The following TGFBR2 variants were observed in gnomAD, a reference collection of about 807,000 sequenced individuals.
TGFBR2 encodes TGF-beta receptor type-2.
A neutral mutation model predicts 49.0 loss-of-function variants in TGFBR2; 18 were observed. The observed-to-expected ratio is 0.37, with a 90% CI of 0.25 to 0.54. TGFBR2 has a LOEUF of 0.54. TGFBR2 is among the 20% of genes least tolerant of loss of function. The pLI is 0.85. For synonymous variants in TGFBR2, 282 were observed against 275.9 expected, an observed-to-expected ratio of 1.02 and a Z score of -0.22; for missense variants, 525 against 722.6, an observed-to-expected ratio of 0.73 and a Z score of 3.13.
At chr3:30,621,609 T>C (rs1451590339) in intron 1 of TGFBR2, among the ~76,000 whole-genome samples, 1 of 152,210 alleles carries the variant, frequency 6.6e-6, no homozygotes, top group Non-Finnish European at 1.5e-5. Context: ...AGTCTTAATA[T>C]TCTGTGGCAC....
chr3:30,653,269 T>TTTTTTTTA (rs1559460091), intron 3 of TGFBR2, among the ~76,000 whole-genome samples: 1 of 136,050 alleles, frequency 7.4e-6, no homozygotes, highest in African/African-American at 2.8e-5. Flanking sequence ...TTTTTTTTTT[T>TTTTTTTTA]GAGACAGAGT....
At chr3:30,678,791 A>G (rs1019605124) in intron 5 of TGFBR2, among the ~76,000 whole-genome samples, 1 of 152,150 alleles carries the variant, frequency 6.6e-6, no homozygotes, top group African/African-American at 2.4e-5. Flanking sequence ...AAGCTATGGA[A>G]CATTAACCTC....
intron 1 of TGFBR2, among the ~76,000 whole-genome samples, chr3:30,627,449 T>C (rs909092654): frequency 2.0e-5 from 3 of 151,990 alleles, no homozygotes; most frequent in Non-Finnish European, 2.9e-5. Context: ...GGGCAATTGG[T>C]ACACATGTGT....
intron 1 of TGFBR2, among the ~76,000 whole-genome samples, chr3:30,631,687 T>C (rs1037190330): frequency 2.0e-5 from 3 of 151,634 alleles, no homozygotes; most frequent in African/African-American, 7.3e-5. Flanking sequence ...TTTCAAAGTG[T>C]TTGGTGTTAT....
chr3:30,609,736 A>G (rs180764136), intron 1 of TGFBR2, among the ~76,000 whole-genome samples: 2 of 152,166 alleles, frequency 1.3e-5, no homozygotes, highest in African/African-American at 4.8e-5. Flanking sequence ...TCTTCACATC[A>G]CTTTAATAAC....
At chr3:30,689,338 T>A (rs969791794) in intron 6 of TGFBR2, among the ~76,000 whole-genome samples, 1 of 152,102 alleles carries the variant, frequency 6.6e-6, no homozygotes, top group African/African-American at 2.4e-5. Flanking sequence ...GAGCCCTTAG[T>A]GAAGAATGAG....
At chr3:30,682,111 G>T (rs891324044) in intron 5 of TGFBR2, among the ~76,000 whole-genome samples, 2 of 152,182 alleles carry the variant, frequency 1.3e-5, no homozygotes, top group Non-Finnish European at 2.9e-5. Flanking sequence ...CCTTCTGCCT[G>T]TTCCTCCTGG....
chr3:30,673,349 A>G (rs1463566557), intron 4 of TGFBR2, among the ~76,000 whole-genome samples: 1 of 152,214 alleles, frequency 6.6e-6, no homozygotes, highest in African/African-American at 2.4e-5. Flanking sequence ...GGAAGGTAGG[A>G]CTTTATTGTT....
chr3:30,649,441 A>G (rs918384444), intron 2 of TGFBR2, among the ~76,000 whole-genome samples: 1 of 152,226 alleles, frequency 6.6e-6, no homozygotes, highest in Non-Finnish European at 1.5e-5. Context: ...CTAGGGCCCA[A>G]GGAAAATGCT....
chr3:30,609,543 C>A (rs1161957552), intron 1 of TGFBR2, among the ~76,000 whole-genome samples: 5 of 151,498 alleles, frequency 3.3e-5, no homozygotes, highest in African/African-American at 1.2e-4. Context: ...TTTTTTTCTT[C>A]GTTTTTGACT....
chr3:30,656,273 ATGT>A (rs1360056052), intron 3 of TGFBR2, among the ~76,000 whole-genome samples: 2 of 152,184 alleles, frequency 1.3e-5, no homozygotes, highest in Non-Finnish European at 2.9e-5. Context: ...TACTCCACAA[ATGT>A]TGTTCTGGTG....
At chr3:30,665,365 G>A (rs907260867) in intron 3 of TGFBR2, among the ~76,000 whole-genome samples, 3 of 152,172 alleles carry the variant, frequency 2.0e-5, no homozygotes, top group African/African-American at 7.2e-5. Flanking sequence ...AGCAACCAAG[G>A]TTCAGTATCC....
chr3:30,613,114 G>A (rs1239025422), intron 1 of TGFBR2, among the ~76,000 whole-genome samples: 1 of 150,164 alleles, frequency 6.7e-6, no homozygotes, highest in African/African-American at 2.4e-5. Flanking sequence ...ATCTGGGAAA[G>A]GTCAAGACAT....
intron 1 of TGFBR2, among the ~76,000 whole-genome samples, chr3:30,632,255 G>A (rs1226683797): frequency 2.6e-5 from 4 of 152,114 alleles, no homozygotes; most frequent in Non-Finnish European, 5.9e-5. Flanking sequence ...TTAGCATGTT[G>A]CGAAATAACA....
At chr3:30,653,994 A>G (rs972762353) in intron 3 of TGFBR2, among the ~76,000 whole-genome samples, 2 of 152,244 alleles carry the variant, frequency 1.3e-5, no homozygotes, top group East Asian at 3.9e-4. Flanking sequence ...GCTAGGATTT[A>G]TAATGGGATA....
At position 30,644,831 on chromosome 3, in the gene TGFBR2, C is replaced by T. The variant is rs1698701633; in HGVS notation, c.179C>T (p.Thr60Ile). 6.2e-7 allele frequency: 1 copy of T among 1,614,012 alleles called. No individual in the cohort carries two copies. Among genetic ancestry groups the T allele is most frequent in the African/African-American group, 1.3e-5 (1 of 74,934 alleles). The change falls in exon 2 of 7, where the codon ACC becomes ATC. Residue 60 changes from threonine to isoleucine, a missense_variant. This residue lies in a region of TGFBR2 where 376 missense variants were observed against 478.2 expected (regional missense o/e 0.79). Transcript: ENST00000295754. ...AAATTTTGTGATGTGAGATTTTCCACCTGTGACAACCAGAAATCCTGCATG... is the reference window on the plus strand; with the variant it reads ...AAATTTTGTGATGTGAGATTTTCCATCTGTGACAACCAGAAATCCTGCATG... ...LCKFCDVRFS[T>I]CDNQKSCMSN...
At chr3:30,607,787 T>TAAAAAA (rs1282819756) in intron 1 of TGFBR2, among the ~76,000 whole-genome samples, 4 of 127,726 alleles carry the variant, frequency 3.1e-5, no homozygotes, top group South Asian at 4.7e-4. Context: ...AAGGAAAAAA[T>TAAAAAA]AAAAATAAAA....
At chr3:30,612,922 T>C (rs1430691470) in intron 1 of TGFBR2, among the ~76,000 whole-genome samples, 1 of 152,152 alleles carries the variant, frequency 6.6e-6, no homozygotes, top group Non-Finnish European at 1.5e-5. Context: ...GTCAGCTTTC[T>C]AGGTCTTAGC....
chr3:30,676,835 T>G lies in TGFBR2; in HGVS notation c.1396+2589T>G, dbSNP rs147041059. ...ACATAGTTATTATTATCTAGTTTCTTGACTGAGATTTCTTCCCCCAAAACA... is the reference window on the plus strand; with the variant it reads ...ACATAGTTATTATTATCTAGTTTCTGGACTGAGATTTCTTCCCCCAAAACA... On this transcript the variant is annotated intron_variant, in intron 5 of 6. Coordinates refer to ENST00000295754, the MANE Select transcript of TGFBR2 (RefSeq NM_003242.6). The surrounding 1 kb of genome is among the most constrained non-coding windows in gnomAD (Gnocchi z 4.3). Among the ~76,000 whole-genome samples the G allele has an allele frequency of 2.6e-5, 4 of 152,360 alleles. No individual in the cohort carries two copies. The South Asian group carries it at 8.3e-4, about 32-fold the overall frequency.
Sources: allele counts gnomAD v4.1 joint callset (sites outside exome capture counted in the v4.1 genomes callset), GRCh38; gene constraint gnomAD v4.1.1; regional missense constraint gnomAD v4.1.1; non-coding constraint Gnocchi (gnomAD v3.1); transcripts MANE v1.5; gene names NCBI Gene and HGNC (gene_info 2026-07-23, HGNC 2026-07-21).